Variants in SGCD observed in about 807,000 individuals in gnomAD.
SGCD encodes sarcoglycan delta.
A neutral mutation model predicts 36.6 loss-of-function variants in SGCD; 18 were observed. The ratio of observed to expected loss-of-function variants is 0.49; its 90% CI spans 0.34 to 0.73. The LOEUF is 0.73. SGCD is among the 30% of genes least tolerant of loss of function. The pLI, the probability that SGCD is intolerant of heterozygous loss-of-function variation, is 0.01. For synonymous variants in SGCD, 133 were observed against 130.6 expected (o/e 1.02, Z -0.12); for missense variants, 387 against 346.7 (o/e 1.12, Z -0.92).
At chr5:156,201,434 C>G (rs1473311138) in intron 3 of SGCD, among the ~76,000 whole-genome samples, 1 of 152,176 alleles carries the variant, frequency 6.6e-6, no homozygotes, top group Non-Finnish European at 1.5e-5. Flanking sequence ...TTCACTCCCA[C>G]TGTAGCAATG....
At chr5:156,070,643 C>T (rs948180455) in intron 1 of SGCD, among the ~76,000 whole-genome samples, 4 of 152,124 alleles carry the variant, frequency 2.6e-5, no homozygotes, top group Non-Finnish European at 5.9e-5. Context: ...ATGCTGGCCT[C>T]ATAAAATGAG....
intron 3 of SGCD, among the ~76,000 whole-genome samples, chr5:156,287,550 T>G (rs1360080944): frequency 2.0e-5 from 3 of 151,984 alleles, no homozygotes; most frequent in African/African-American, 7.2e-5. Flanking sequence ...CGAGGTTTGA[T>G]TCTGGATTCT....
At chr5:156,582,236 T>A (rs930036521) in intron 4 of SGCD, among the ~76,000 whole-genome samples, 1 of 152,166 alleles carries the variant, frequency 6.6e-6, no homozygotes, top group African/African-American at 2.4e-5. Flanking sequence ...GAAGAGTGCA[T>A]TGTTCATTGT....
Position 156,031,278 on chromosome 5 carries a change from C to T in SGCD, c.-281-86600C>T, listed in dbSNP as rs574967936. Reference sequence around the variant, plus strand: ...ATATTGATGCTGCTAGTCTGAGAACCACTCTTTGAGAACCACTGATGTAGA... The same window carrying T: ...ATATTGATGCTGCTAGTCTGAGAACTACTCTTTGAGAACCACTGATGTAGA... On this transcript the variant is annotated intron_variant, in intron 1 of 9. Transcript: ENST00000517913. Among the ~76,000 whole-genome samples, 3 of 152,222 alleles carry T rather than the reference C, an allele frequency of 2.0e-5. No individual in the cohort carries two copies. In the South Asian group the frequency reaches 6.2e-4, roughly 32 times the overall value.
intron 1 of SGCD, among the ~76,000 whole-genome samples, chr5:155,915,080 C>G (rs781654447): frequency 6.6e-6 from 1 of 152,146 alleles, no homozygotes; most frequent in Non-Finnish European, 1.5e-5. Context: ...AATCCCTGCT[C>G]TTAAATAGCT....
chr5:155,868,578 A>T (rs1198428970), upstream of SGCD, among the ~76,000 whole-genome samples: 1 of 152,060 alleles, frequency 6.6e-6, no homozygotes, highest in Non-Finnish European at 1.5e-5. Flanking sequence ...TGATAGAAGC[A>T]GTTGGCAAGA....
chr5:156,235,563 T>A (rs891027540), intron 3 of SGCD, among the ~76,000 whole-genome samples: 4 of 152,050 alleles, frequency 2.6e-5, no homozygotes, highest in East Asian at 1.9e-4. Context: ...AGAGATAGAG[T>A]TGTTCTCTAT....
Position 156,432,678 on chromosome 5 carries a change from G to A in SGCD, c.193-75923G>A, listed in dbSNP as rs1166109000. ...GGATAGGGGTGGTTTTCAGACTGCT[G>A]GGGTAATGTTCCACAGGGGAGAATA... On this transcript the variant is annotated intron_variant, in intron 3 of 8. Coordinates refer to ENST00000337851, the MANE Select transcript of SGCD (RefSeq NM_000337.6). Among the ~76,000 whole-genome samples the A allele has an allele frequency of 2.6e-5, 4 of 152,236 alleles. No homozygotes were observed. The East Asian group carries it at 7.7e-4, about 29-fold the overall frequency.
chr5:156,370,088 A>C (rs1484497752), intron 3 of SGCD, among the ~76,000 whole-genome samples: 1 of 152,202 alleles, frequency 6.6e-6, no homozygotes, highest in African/African-American at 2.4e-5. Context: ...CCCTCCATAA[A>C]GGTCAGTTGC....
At chr5:156,103,718 G>T (rs945647152) in intron 1 of SGCD, among the ~76,000 whole-genome samples, 1 of 152,022 alleles carries the variant, frequency 6.6e-6, no homozygotes, top group Non-Finnish European at 1.5e-5. Flanking sequence ...AATTTATGAT[G>T]ATATATTAGA....
chr5:156,255,128 G>T (rs988377756), intron 3 of SGCD, among the ~76,000 whole-genome samples: 1 of 151,892 alleles, frequency 6.6e-6, no homozygotes, highest in Admixed American at 6.6e-5. Flanking sequence ...TTTAGACTTG[G>T]GTCCCATCCC....
At chr5:156,162,743 G>A (rs940887424) in intron 3 of SGCD, among the ~76,000 whole-genome samples, 2 of 151,608 alleles carry the variant, frequency 1.3e-5, no homozygotes, top group African/African-American at 4.9e-5. Flanking sequence ...CTCTAGATCT[G>A]CAGAAAGCAA....
At chr5:155,946,503 A>G (rs1002223123) in intron 1 of SGCD, among the ~76,000 whole-genome samples, 11 of 152,040 alleles carry the variant, frequency 7.2e-5, no homozygotes, top group Non-Finnish European at 1.3e-4. Flanking sequence ...CCATTTTCCA[A>G]ATGGTATTTT....
chr5:156,419,512 G>A (rs190548980), intron 3 of SGCD, among the ~76,000 whole-genome samples: 4 of 152,184 alleles, frequency 2.6e-5, no homozygotes, highest in Admixed American at 2.6e-4. Context: ...CTTCTGAACA[G>A]GGATACAGCA....
At chr5:156,321,784 G>A (rs773252912), upstream of SGCD, among the ~76,000 whole-genome samples, 3 of 152,204 alleles carry the variant, frequency 2.0e-5, no homozygotes, top group Non-Finnish European at 4.4e-5. Context: ...AAAACTGTGG[G>A]TGAAGCCTAG....
intron 1 of SGCD, among the ~76,000 whole-genome samples, chr5:155,953,149 A>G (rs1581009277): frequency 1.3e-5 from 2 of 152,176 alleles, no homozygotes; most frequent in South Asian, 2.1e-4. Flanking sequence ...TCATGCTTCC[A>G]TGATTTTAGC....
chr5:156,286,651 A>T (rs12523569), intron 3 of SGCD, among the ~76,000 whole-genome samples: 24,422 of 152,062 alleles, frequency 0.16, 2,153 homozygotes, highest in Admixed American at 0.21. Flanking sequence ...AGGAAGGGGA[A>T]CATCACACAC....
At chr5:156,396,263 CT>C (rs1231619452) in intron 3 of SGCD, among the ~76,000 whole-genome samples, 1 of 152,174 alleles carries the variant, frequency 6.6e-6, no homozygotes, top group Non-Finnish European at 1.5e-5. Context: ...CTCTCCAGTG[CT>C]GTAGAAATGA....
intron 6 of SGCD, among the ~76,000 whole-genome samples, chr5:156,629,997 G>A (rs1561826066): frequency 6.6e-6 from 1 of 151,836 alleles, no homozygotes; most frequent in Non-Finnish European, 1.5e-5. Flanking sequence ...CAGTAGCTGG[G>A]ATTACAGGCA....
Sources: gnomAD v4.1 joint callset for allele counts (sites outside exome capture counted in the v4.1 genomes callset) on GRCh38, gnomAD v4.1.1 for gene constraint, MANE v1.5 for transcripts, NCBI Gene and HGNC (gene_info 2026-07-23, HGNC 2026-07-21) for gene names.